NRCAM: variants seen among roughly 807,000 people sequenced by gnomAD.
NRCAM encodes NgCAM-related cell adhesion molecule.
In NRCAM, 83 loss-of-function variants were observed where a neutral mutation model predicts 156.5. That is an observed-to-expected ratio of 0.53 (90% CI 0.44 to 0.64). NRCAM has a LOEUF of 0.64. Among genes scored for constraint, NRCAM ranks in the 30% least tolerant of loss-of-function variants. NRCAM has a pLI of 0.00. For missense variants in NRCAM, 1,417 were observed against 1,597.3 expected, an observed-to-expected ratio of 0.89 and a Z score of 1.92; for synonymous variants, 538 against 563.9, an observed-to-expected ratio of 0.95 and a Z score of 0.65.
At chr7:108,235,717 C>G (rs2094896886) in intron 5 of NRCAM, among the ~76,000 whole-genome samples, 1 of 152,034 alleles carries the variant, frequency 6.6e-6, no homozygotes, top group African/African-American at 2.4e-5. Flanking sequence ...TTTCAATGGT[C>G]TCGACTGGGG....
At chr7:108,370,263 G>A (rs2099619863) in intron 2 of NRCAM, among the ~76,000 whole-genome samples, 1 of 152,114 alleles carries the variant, frequency 6.6e-6, no homozygotes, top group Non-Finnish European at 1.5e-5. Flanking sequence ...AAAGTTTCAA[G>A]TTAAAGCTGT....
At chr7:108,277,097 G>A (rs1182022071) in intron 3 of NRCAM, among the ~76,000 whole-genome samples, 2 of 152,220 alleles carry the variant, frequency 1.3e-5, no homozygotes, top group Non-Finnish European at 2.9e-5. Flanking sequence ...TTTCTGCAGA[G>A]AGATCCGCTG....
chr7:108,251,693 A>G (rs1562953744), intron 3 of NRCAM, among the ~76,000 whole-genome samples: 1 of 152,190 alleles, frequency 6.6e-6, no homozygotes, highest in Non-Finnish European at 1.5e-5. Context: ...CAACCAAGGG[A>G]AGAATGAGGT....
intron 32 of NRCAM, among the ~76,000 whole-genome samples, chr7:108,155,665 C>A (rs2151141576): frequency 6.6e-6 from 1 of 152,172 alleles, no homozygotes; most frequent in South Asian, 2.1e-4. Context: ...AGGCTATAAA[C>A]TCCCTGTGTG....
intron 2 of NRCAM, among the ~76,000 whole-genome samples, chr7:108,397,859 A>T (rs1165233322): frequency 6.6e-6 from 1 of 152,202 alleles, no homozygotes; most frequent in African/African-American, 2.4e-5. Flanking sequence ...AGGTCACCGT[A>T]TTTGTCTCTA....
At chr7:108,287,725 G>A (rs191956026) in intron 3 of NRCAM, among the ~76,000 whole-genome samples, 25 of 151,198 alleles carry the variant, frequency 1.7e-4, no homozygotes, top group Admixed American at 1.3e-3. Context: ...AGATGTTGGT[G>A]AGGATGTGGG....
chr7:108,382,334 G>A (rs1412042895), intron 2 of NRCAM, among the ~76,000 whole-genome samples: 1 of 152,018 alleles, frequency 6.6e-6, no homozygotes, highest in Admixed American at 6.5e-5. Flanking sequence ...GGTGGTTCAT[G>A]CCTCTAATCC....
At chr7:108,351,252 C>A (rs531931167) in intron 2 of NRCAM, among the ~76,000 whole-genome samples, 1 of 152,206 alleles carries the variant, frequency 6.6e-6, no homozygotes, top group South Asian at 2.1e-4. Flanking sequence ...AAGGCCTTTA[C>A]CAGATGCAGG....
At chr7:108,331,517 T>C (rs2099126634) in intron 2 of NRCAM, among the ~76,000 whole-genome samples, 1 of 152,236 alleles carries the variant, frequency 6.6e-6, no homozygotes, top group Non-Finnish European at 1.5e-5. Context: ...TTTGCCCTTG[T>C]GCCTCAGTTT....
intron 2 of NRCAM, among the ~76,000 whole-genome samples, chr7:108,391,253 G>A (rs2099758871): frequency 6.6e-6 from 1 of 152,160 alleles, no homozygotes; most frequent in East Asian, 1.9e-4. Context: ...GAATCTGGGT[G>A]CTCCTGTATT....
chr7:108,320,023 G>A (rs1432191466), intron 2 of NRCAM, among the ~76,000 whole-genome samples: 2 of 151,864 alleles, frequency 1.3e-5, no homozygotes, highest in African/African-American at 2.4e-5. Context: ...TGAAAATGAA[G>A]GCAAGAACTA....
At chr7:108,427,741 A>C (rs1819189275) in intron 1 of NRCAM, among the ~76,000 whole-genome samples, 1 of 152,226 alleles carries the variant, frequency 6.6e-6, no homozygotes, top group African/African-American at 2.4e-5. Context: ...AATCTTGCCA[A>C]TTCTTTGTCT....
chr7:108,229,122 C>T (rs1203894896), intron 8 of NRCAM, among the ~76,000 whole-genome samples: 4 of 152,272 alleles, frequency 2.6e-5, no homozygotes, highest in Non-Finnish European at 4.4e-5. Flanking sequence ...CCCACCATTC[C>T]ACCTAAAAGA....
At chr7:108,231,234 G>T (rs1268490832) in intron 7 of NRCAM, 81 bp from the exon 8 acceptor site, 1 of 959,164 alleles carries the variant, frequency 1.0e-6, no homozygotes, top group Non-Finnish European at 1.5e-6. Context: ...AAGGCAAACT[G>T]AAGTTTTGGA....
intron 13 of NRCAM, among the ~76,000 whole-genome samples, chr7:108,206,963 T>A (rs2081484509): frequency 1.3e-5 from 2 of 152,144 alleles, no homozygotes; most frequent in South Asian, 2.1e-4. Context: ...GGAGCACTAG[T>A]CAAAGGTAAA....
chr7:108,167,593 T>A (rs953465253), intron 29 of NRCAM, among the ~76,000 whole-genome samples: 1 of 152,232 alleles, frequency 6.6e-6, no homozygotes. Flanking sequence ...ACTTGCATGA[T>A]AAAGGCTTAA....
At chr7:108,438,599 A>T (rs1389260894) in intron 1 of NRCAM, among the ~76,000 whole-genome samples, 4 of 152,142 alleles carry the variant, frequency 2.6e-5, no homozygotes, top group South Asian at 4.1e-4. Flanking sequence ...CAACGTAAGG[A>T]TGTCCACTCT....
rs191297531 is a variant in NRCAM, at chr7:108,261,421, G to A, written c.-106-21251C>T. Among the ~76,000 whole-genome samples, 154 of 152,306 alleles carry A rather than the reference G, an allele frequency of 1.0e-3. 1 individual carries two copies. Among genetic ancestry groups the A allele is most frequent in the African/African-American group, 3.5e-3 (147 of 41,556 alleles). Reference sequence around the variant, plus strand: ...TCCACACATTGTCTACAGCTGACAGGTATCATTTGGAGAATAAAATTAGCA... The same window carrying A: ...TCCACACATTGTCTACAGCTGACAGATATCATTTGGAGAATAAAATTAGCA... On this transcript the variant is annotated intron_variant, in intron 3 of 32. Transcript: ENST00000379028.
intron 3 of NRCAM, among the ~76,000 whole-genome samples, chr7:108,270,529 C>T (rs986923495): frequency 6.6e-6 from 1 of 151,848 alleles, no homozygotes; most frequent in Non-Finnish European, 1.5e-5. Context: ...TTAAGACGAG[C>T]ACCTCTGAGC....
Sources: allele counts gnomAD v4.1 joint callset (sites outside exome capture counted in the v4.1 genomes callset), GRCh38; gene constraint gnomAD v4.1.1; transcripts MANE v1.5; gene names NCBI Gene and HGNC (gene_info 2026-07-23, HGNC 2026-07-21).